Variants in TNNI1 observed in about 807,000 individuals in gnomAD.
TNNI1 encodes the protein troponin I, slow skeletal muscle.
A neutral mutation model predicts 26.7 loss-of-function variants in TNNI1; 14 were observed. The observed-to-expected ratio is 0.52, with a 90% CI of 0.35 to 0.82. TNNI1 has a LOEUF of 0.82. TNNI1 is among the 40% of genes least tolerant of loss of function. The pLI is 0.01. For synonymous variants in TNNI1, 79 were observed against 98.2 expected, an observed-to-expected ratio of 0.80 and a Z score of 1.16; for missense variants, 164 against 257.0, an observed-to-expected ratio of 0.64 and a Z score of 2.47.
At chr1:201,414,475 C>A in intron 5 of TNNI1, 43 bp downstream of exon 5, 1 of 1,485,480 alleles carries the variant, frequency 6.7e-7, no homozygotes, top group Non-Finnish European at 9.0e-7. Context: ...ACCCACACAG[C>A]ACCTCCAGCC....
chr1:201,414,736 C>G, intron 4 of TNNI1, 87 bp from the exon 5 acceptor site: 1 of 1,564,982 alleles, frequency 6.4e-7, no homozygotes, highest in Non-Finnish European at 8.7e-7. Context: ...CAGCCTGGGC[C>G]AACTCTGAGA....
chr1:201,411,255 C>T lies in TNNI1; in HGVS notation c.456+102G>A. 2.4e-6 allele frequency: 3 copies of T among 1,276,250 alleles called. No homozygotes were observed. The highest frequency in any genetic ancestry group is 3.3e-6 in the Non-Finnish European group (3 of 904,100). 79.1% of individuals were successfully genotyped at this position (1,276,250 alleles called of 1,614,324 possible). A position where few individuals can be genotyped will look rare whatever the true frequency, so the allele number is the denominator to read the frequency against. On this transcript the variant is annotated intron_variant, in intron 7 of 8. Coordinates refer to ENST00000361379, the MANE Select transcript of TNNI1 (RefSeq NM_003281.4). The surrounding 1 kb of genome is among the most constrained non-coding windows in gnomAD (Gnocchi z 4.6). The stretch of plus-strand genomic sequence containing the variant: ...TGTTCTGTCTGTCAAGCTGACTGGT[C>T]TCCAACAGGAGCTCCTGGGCCAGCC...
intron 1 of TNNI1, among the ~76,000 whole-genome samples, chr1:201,420,638 C>T (rs1662840217): frequency 6.6e-6 from 1 of 152,102 alleles, no homozygotes. Flanking sequence ...TCTTTGCACA[C>T]CCAATGATCA....
At position 201,411,572 on chromosome 1, in the gene TNNI1, G is replaced by T. The variant is rs775361657; in HGVS notation, c.280-39C>A. ...GCGCCCGGGGCTCACTGGAGAGGCA[G>T]CTAGCCACAGGACACCCTTCCTGAG... On this transcript the variant is annotated intron_variant, in intron 6 of 8. Coordinates refer to ENST00000361379, the MANE Select transcript of TNNI1 (RefSeq NM_003281.4). The surrounding 1 kb of genome is among the most constrained non-coding windows in gnomAD (Gnocchi z 4.6). 1 of 1,509,140 alleles carries T rather than the reference G, an allele frequency of 6.6e-7. No homozygotes were observed. 93.5% of individuals were successfully genotyped at this position (1,509,140 alleles called of 1,614,324 possible).
Position 201,405,887 on chromosome 1 carries a change from A to T in TNNI1, c.*3366T>A, listed in dbSNP as rs1400901267. The T allele has an allele frequency of 1.3e-5, 2 of 152,280 alleles. No individual in the cohort carries two copies. The highest frequency in any genetic ancestry group is 1.3e-4 in the Admixed American group (2 of 15,286). 9.4% of individuals were successfully genotyped at this position (152,280 alleles called of 1,614,324 possible). On this transcript the variant is annotated 3_prime_UTR_variant, in exon 9 of 9. Transcript: ENST00000361379. ...CCAGCTGCAGAGAGAGGGGGTGCCCACCCAGCTATTGTGTGCTGATTAGTA... is the reference window on the plus strand; with the variant it reads ...CCAGCTGCAGAGAGAGGGGGTGCCCTCCCAGCTATTGTGTGCTGATTAGTA...
Position 201,411,652 on chromosome 1 carries a change from G to T in TNNI1, c.280-119C>A. On this transcript the variant is annotated intron_variant, in intron 6 of 8. Coordinates refer to ENST00000361379, the MANE Select transcript of TNNI1 (RefSeq NM_003281.4). This position sits in a 1 kb window ranked among gnomAD's most constrained non-coding sequence, Gnocchi z 4.6. ...GATACACCTTAAATTGTCCACCCTT[G>T]AAGCCAGACCTATCAGCAGTCACCA... 1 of 1,089,748 alleles carries T rather than the reference G, an allele frequency of 9.2e-7. No individual in the cohort carries two copies. The highest frequency in any genetic ancestry group is 2.0e-5 in the South Asian group (1 of 49,424). The allele number at this position is 1,089,748 out of a possible 1,614,324, so 67.5% of individuals were successfully genotyped here. A position where few individuals can be genotyped will look rare whatever the true frequency, so the allele number is the denominator to read the frequency against.
At position 201,404,294 on chromosome 1, in the gene TNNI1, T is replaced by C. The variant is rs956350119; in HGVS notation, c.*4959A>G. 1 of 152,136 alleles carries C rather than the reference T, an allele frequency of 6.6e-6. No individual in the cohort carries two copies. Among genetic ancestry groups the C allele is most frequent in the Non-Finnish European group, 1.5e-5 (1 of 68,032 alleles). 9.4% of individuals were successfully genotyped at this position (152,136 alleles called of 1,614,324 possible). A position where few individuals can be genotyped will look rare whatever the true frequency, so the allele number is the denominator to read the frequency against. ...AGGGGGATCCCCAGCCCCAACCAGC[T>C]GGCTCGAGGTCACATCCTGATATTT... is the stretch of plus-strand genomic sequence containing the variant. On this transcript the variant is annotated 3_prime_UTR_variant, in exon 9 of 9. Coordinates refer to ENST00000361379, the MANE Select transcript of TNNI1 (RefSeq NM_003281.4).
At chr1:201,421,471 A>G (rs1398771699) in intron 1 of TNNI1, among the ~76,000 whole-genome samples, 1 of 152,168 alleles carries the variant, frequency 6.6e-6, no homozygotes, top group Non-Finnish European at 1.5e-5. Flanking sequence ...TTCACCTCTC[A>G]CAACAGTTTT....
chr1:201,414,760 T>A, intron 4 of TNNI1, 111 bp from the exon 5 acceptor site: 1 of 1,511,258 alleles, frequency 6.6e-7, no homozygotes, highest in Non-Finnish European at 8.9e-7. Context: ...CTGTCCAGTG[T>A]AGAAGTGTAT....
At chr1:201,419,878 T>C (rs1662824667) in intron 1 of TNNI1, among the ~76,000 whole-genome samples, 1 of 152,184 alleles carries the variant, frequency 6.6e-6, no homozygotes, top group South Asian at 2.1e-4. Flanking sequence ...ATCCATGAAT[T>C]CCTGAGATGC....
Position 201,412,220 on chromosome 1 carries a change from G to A in TNNI1, c.280-687C>T, listed in dbSNP as rs144102228. On this transcript the variant is annotated intron_variant, in intron 6 of 8. Transcript: ENST00000361379. ...CTCTTGTTCCTGCAGCCTCATCCCT[G>A]CTTCTAACTTATTCCTCCCCAGTGA... 1.4e-3 allele frequency among the ~76,000 whole-genome samples: 220 copies of A among 152,298 alleles called. 1 individual carries two copies. Among genetic ancestry groups the A allele is most frequent in the African/African-American group, 5.2e-3 (215 of 41,558 alleles).
intron 1 of TNNI1, among the ~76,000 whole-genome samples, chr1:201,418,070 A>C (rs1404398373): frequency 6.8e-6 from 1 of 146,518 alleles, no homozygotes; most frequent in Non-Finnish European, 1.5e-5. Context: ...TTTTTTAAGA[A>C]TTTGCAACAG....
chr1:201,406,247 A>G lies in TNNI1; in HGVS notation c.*3006T>C, dbSNP rs1662513745. 2.2e-5 allele frequency: 1 copy of G among 45,868 alleles called. No individual in the cohort carries two copies. 2.8% of individuals were successfully genotyped at this position (45,868 alleles called of 1,614,324 possible). On this transcript the variant is annotated 3_prime_UTR_variant, in exon 9 of 9. Transcript: ENST00000361379. ...GAACTCTCCAGGCCTCCATTTCCTC[A>G]TCTGTAAATTTGAGCTAACAAATGT...
Position 201,403,799 on chromosome 1 carries a change from T to C in TNNI1, c.*5454A>G, listed in dbSNP as rs927796946. The stretch of plus-strand genomic sequence containing the variant: ...TACAAAAAGATCCAAAACTGAATGA[T>C]GTATTAGGAATTCATAAATACGTAG... On this transcript the variant is annotated 3_prime_UTR_variant, in exon 9 of 9. Coordinates refer to ENST00000361379, the MANE Select transcript of TNNI1 (RefSeq NM_003281.4). 6.6e-6 allele frequency: 1 copy of C among 152,158 alleles called. No individual in the cohort carries two copies. The highest frequency in any genetic ancestry group is 2.4e-5 in the African/African-American group (1 of 41,434). The allele number at this position is 152,158 out of a possible 1,614,324, so 9.4% of individuals were successfully genotyped here.
rs1662501734 is a variant in TNNI1 at position 201,405,733 on chromosome 1, GC to G, written c.*3519del. The G allele has an allele frequency of 6.5e-6, 1 of 152,942 alleles. No homozygotes were observed. The highest frequency in any genetic ancestry group is 1.5e-5 in the Non-Finnish European group (1 of 68,342). 9.5% of individuals were successfully genotyped at this position (152,942 alleles called of 1,614,324 possible). Reference sequence around the variant, plus strand: ...GGCCTCCTTGCGCCGTGGGGACCGGGCACCCTGTGGGGAAAGGTGGGAGCAA... The same window carrying G: ...GGCCTCCTTGCGCCGTGGGGACCGGGACCCTGTGGGGAAAGGTGGGAGCAA... On this transcript the variant is annotated 3_prime_UTR_variant, in exon 9 of 9. Coordinates refer to ENST00000361379, the MANE Select transcript of TNNI1 (RefSeq NM_003281.4).
chr1:201,410,024 C>A, intron 8 of TNNI1: 1 of 255,956 alleles, frequency 3.9e-6, no homozygotes, highest in Non-Finnish European at 7.5e-6. Flanking sequence ...TCATTTGCAT[C>A]CCAGGTGATG....
chr1:201,413,430 A>AAAACAAACAAAC (rs71138333), intron 5 of TNNI1, among the ~76,000 whole-genome samples: 63 of 151,262 alleles, frequency 4.2e-4, no homozygotes, highest in South Asian at 2.1e-3. Flanking sequence ...CCGTCTCAAA[A>AAAACAAACAAAC]AAACAAACAA....
At chr1:201,418,980 T>C (rs1409266241) in intron 1 of TNNI1, among the ~76,000 whole-genome samples, 4 of 151,424 alleles carry the variant, frequency 2.6e-5, no homozygotes, top group Non-Finnish European at 5.9e-5. Context: ...AGGTGGAGGG[T>C]GGGAGGAGGG....
intron 1 of TNNI1, among the ~76,000 whole-genome samples, chr1:201,420,877 C>T (rs963938002): frequency 2.0e-5 from 3 of 152,186 alleles, no homozygotes; most frequent in African/African-American, 4.8e-5. Context: ...TCAGCCCCCA[C>T]CTGAGTCAGG....
Sources: allele counts gnomAD v4.1 joint callset (sites outside exome capture counted in the v4.1 genomes callset), GRCh38; gene constraint gnomAD v4.1.1; non-coding constraint Gnocchi (gnomAD v3.1); transcripts MANE v1.5; gene names NCBI Gene and HGNC (gene_info 2026-07-23, HGNC 2026-07-21).